VTI1A: variants seen among roughly 807,000 people sequenced by gnomAD.
VTI1A encodes vesicle transport through interaction with t-SNAREs 1A.
In VTI1A, 22 loss-of-function variants were observed where a neutral mutation model predicts 34.9. The observed-to-expected ratio is 0.63, with a 90% CI of 0.45 to 0.90. The LOEUF (loss-of-function observed/expected upper bound fraction) is 0.90, where lower values mean the gene tolerates loss of function less well. Among genes scored for constraint, VTI1A ranks in the 40% least tolerant of loss-of-function variants. The pLI is 0.00. For missense variants in VTI1A, 268 were observed against 275.6 expected (o/e 0.97, Z 0.20); for synonymous variants, 87 against 97.3 (o/e 0.89, Z 0.62).
chr10:112,568,498 G>A (rs1443883905), intron 5 of VTI1A, among the ~76,000 whole-genome samples: 1 of 151,562 alleles, frequency 6.6e-6, no homozygotes, highest in East Asian at 2.0e-4. Context: ...AAAAGTGAGT[G>A]AGTCTCCATC....
intron 5 of VTI1A, among the ~76,000 whole-genome samples, chr10:112,614,633 G>A (rs1164930954): frequency 6.6e-6 from 1 of 152,184 alleles, no homozygotes; most frequent in African/African-American, 2.4e-5. Context: ...TATTTTAATG[G>A]ACAGGTAGAC....
At chr10:112,506,166 C>T (rs1046345764) in intron 3 of VTI1A, among the ~76,000 whole-genome samples, 1 of 152,040 alleles carries the variant, frequency 6.6e-6, no homozygotes, top group Non-Finnish European at 1.5e-5. Flanking sequence ...CAAGTCTGTA[C>T]GGCATATTAC....
At chr10:112,748,784 C>T (rs2133988463) in intron 7 of VTI1A, among the ~76,000 whole-genome samples, 1 of 150,000 alleles carries the variant, frequency 6.7e-6, no homozygotes, top group African/African-American at 2.5e-5. Context: ...CGCCACCATG[C>T]CCGGCTAATT....
rs992020065 is a variant in VTI1A, at chr10:112,778,453, C to T, written c.561-36837C>T. 9.2e-5 allele frequency among the ~76,000 whole-genome samples: 14 copies of T among 152,270 alleles called. No homozygotes were observed. The South Asian group carries it at 2.9e-3, about 32-fold the overall frequency. On this transcript the variant is annotated intron_variant, in intron 7 of 7. Coordinates refer to ENST00000393077, the MANE Select transcript of VTI1A (RefSeq NM_145206.4). ...ACCGATTACCCACAAATAACCACAA[C>T]CCCGATACCATCTGGACTGAGTGCA... is the stretch of plus-strand genomic sequence containing the variant.
downstream of VTI1A, among the ~76,000 whole-genome samples, chr10:112,819,392 G>A (rs1369729025): frequency 3.3e-5 from 5 of 152,116 alleles, no homozygotes; most frequent in African/African-American, 1.2e-4. Context: ...TGGTTTCAGA[G>A]GAACCACCGT....
intron 3 of VTI1A, among the ~76,000 whole-genome samples, chr10:112,470,517 T>G (rs1248533580): frequency 2.0e-5 from 3 of 152,202 alleles, no homozygotes; most frequent in African/African-American, 7.2e-5. Flanking sequence ...GGCTCTGCTG[T>G]TGGAGCCTGG....
At chr10:112,458,372 G>A (rs1847611752) in intron 1 of VTI1A, among the ~76,000 whole-genome samples, 1 of 152,142 alleles carries the variant, frequency 6.6e-6, no homozygotes, top group Non-Finnish European at 1.5e-5. Flanking sequence ...TACTAAAAGG[G>A]TTGAAATGTC....
intron 7 of VTI1A, among the ~76,000 whole-genome samples, chr10:112,728,153 C>T (rs753440336): frequency 8.6e-5 from 13 of 151,884 alleles, no homozygotes; most frequent in Admixed American, 2.0e-4. Context: ...CCAGTCCCTG[C>T]GTAAAGAGAC....
intron 3 of VTI1A, among the ~76,000 whole-genome samples, chr10:112,515,302 T>C (rs1849738815): frequency 6.6e-6 from 1 of 152,044 alleles, no homozygotes; most frequent in Admixed American, 6.6e-5. Flanking sequence ...CAAATAAACA[T>C]AATGGAGGAA....
chr10:112,838,233 G>A, the VTI1A span, among the ~76,000 whole-genome samples: 1 of 152,206 alleles, frequency 6.6e-6, no homozygotes. Context: ...AGCCCCAGGT[G>A]GCTGGGGCCA....
chr10:112,683,342 T>C (rs1320633787), intron 7 of VTI1A, among the ~76,000 whole-genome samples: 1 of 152,182 alleles, frequency 6.6e-6, no homozygotes, highest in Admixed American at 6.5e-5. Context: ...AGTTAGTAAT[T>C]GGTAGGAACA....
intron 5 of VTI1A, among the ~76,000 whole-genome samples, chr10:112,561,512 T>C (rs112600315): frequency 1.3e-5 from 2 of 152,222 alleles, no homozygotes; most frequent in African/African-American, 4.8e-5. Flanking sequence ...ATATGATAAG[T>C]AAAATCTCTT....
At chr10:112,447,150 C>A (rs1846854853), upstream of VTI1A, 4 of 530,000 alleles carry the variant, frequency 7.5e-6, no homozygotes, top group Admixed American at 3.0e-5. Flanking sequence ...ACTTACTTAT[C>A]TTAAAGTCGG....
intron 7 of VTI1A, among the ~76,000 whole-genome samples, chr10:112,689,467 A>G (rs1848538528): frequency 1.3e-5 from 2 of 152,148 alleles, no homozygotes; most frequent in African/African-American, 4.8e-5. Flanking sequence ...TCCAGGAGAC[A>G]TGGGTGGGGT....
intron 3 of VTI1A, among the ~76,000 whole-genome samples, chr10:112,494,420 C>T (rs944908575): frequency 6.6e-6 from 1 of 151,878 alleles, no homozygotes. Flanking sequence ...TCTACCTACT[C>T]CAGGTTTCAT....
In VTI1A at chr10:112,757,490, T is replaced by G. The variant is rs538470660; in HGVS notation, c.561-57800T>G. On this transcript the variant is annotated intron_variant, in intron 7 of 7. Coordinates refer to ENST00000393077, the MANE Select transcript of VTI1A (RefSeq NM_145206.4). The stretch of plus-strand genomic sequence containing the variant: ...CAAGCAATTCTTCCGCGTCAAGTGA[T>G]TCTCCCGCCTCAGCCTCCTGAGTTA... Among the ~76,000 whole-genome samples, 15 of 150,778 alleles carry G rather than the reference T, an allele frequency of 9.9e-5. No individual in the cohort carries two copies. In the East Asian group the frequency reaches 1.8e-3, roughly 18 times the overall value.
intron 3 of VTI1A, among the ~76,000 whole-genome samples, chr10:112,513,563 A>G (rs967633898): frequency 1.3e-5 from 2 of 151,934 alleles, no homozygotes; most frequent in African/African-American, 4.8e-5. Flanking sequence ...GCTAGGACTT[A>G]AGTACTATGT....
chr10:112,541,316 C>T (rs1487858430), intron 5 of VTI1A, among the ~76,000 whole-genome samples: 1 of 152,104 alleles, frequency 6.6e-6, no homozygotes, highest in Admixed American at 6.5e-5. Flanking sequence ...AATCATTTAA[C>T]CTCTCTGCAT....
chr10:112,769,896 G>A (rs1044838552), intron 7 of VTI1A, among the ~76,000 whole-genome samples: 8 of 152,104 alleles, frequency 5.3e-5, no homozygotes, highest in Admixed American at 5.2e-4. Context: ...AGGAGGTGTT[G>A]AGAACTGGAG....
Sources: gnomAD v4.1 joint callset for allele counts (sites outside exome capture counted in the v4.1 genomes callset) on GRCh38, gnomAD v4.1.1 for gene constraint, MANE v1.5 for transcripts, NCBI Gene and HGNC (gene_info 2026-07-23, HGNC 2026-07-21) for gene names.